The following CHN2 variants were observed in gnomAD, a reference collection of about 807,000 sequenced individuals.
CHN2 encodes beta-chimaerin.
Under a neutral mutation model 56.3 loss-of-function variants are expected in CHN2, and 35 were observed. That is an observed-to-expected ratio of 0.62 (90% CI 0.47 to 0.82). The LOEUF is 0.82. CHN2 is among the 40% of genes least tolerant of loss of function. The pLI is 0.00. For missense variants in CHN2, 491 were observed against 580.5 expected, an observed-to-expected ratio of 0.85 and a Z score of 1.58; for synonymous variants, 210 against 212.8, an observed-to-expected ratio of 0.99 and a Z score of 0.12.
chr7:29,159,227 T>C (rs756943374), intron 2 of CHN2, among the ~76,000 whole-genome samples: 1 of 152,188 alleles, frequency 6.6e-6, no homozygotes, highest in Non-Finnish European at 1.5e-5. Context: ...CCTTGAAAAT[T>C]ATTCAGCTTC....
chr7:29,459,274 C>T (rs1562624003), intron 6 of CHN2, among the ~76,000 whole-genome samples: 1 of 152,190 alleles, frequency 6.6e-6, no homozygotes, highest in Non-Finnish European at 1.5e-5. Flanking sequence ...TGTTTCTTCC[C>T]TCCTGTGTTT....
chr7:29,267,828 A>G (rs866013224), intron 1 of CHN2, among the ~76,000 whole-genome samples: 3 of 152,206 alleles, frequency 2.0e-5, no homozygotes, highest in Non-Finnish European at 1.5e-5. Flanking sequence ...ATGAGCTAGG[A>G]TCATTCAAGC....
At chr7:29,441,428 C>CA (rs1458395050) in intron 6 of CHN2, among the ~76,000 whole-genome samples, 2 of 152,018 alleles carry the variant, frequency 1.3e-5, no homozygotes, top group Non-Finnish European at 2.9e-5. Context: ...AATATGATGC[C>CA]AAAAGCAAGA....
rs1352090468 is a variant in CHN2 at position 29,474,347 on chromosome 7, CTCTATA to C, written c.577-5926_577-5921del. On this transcript the variant is annotated intron_variant, in intron 6 of 12. Coordinates refer to ENST00000222792, the MANE Select transcript of CHN2 (RefSeq NM_004067.4). ...ATATTGTTTTGATGAATATCTGTAT[CTCTATA>C]TCTATCCATCTATCTAGATCTTAGT... Among the ~76,000 whole-genome samples the C allele has an allele frequency of 6.6e-5, 10 of 152,302 alleles. No homozygotes were observed. In the East Asian group the frequency reaches 1.9e-3, roughly 29 times the overall value.
At chr7:29,279,956 G>C (rs1287054462) in intron 1 of CHN2, among the ~76,000 whole-genome samples, 2 of 152,206 alleles carry the variant, frequency 1.3e-5, no homozygotes, top group African/African-American at 4.8e-5. Context: ...AGAGGCTGTT[G>C]TCAAAATCAA....
At chr7:29,155,415 G>C (rs1051040111) in intron 2 of CHN2, among the ~76,000 whole-genome samples, 3 of 152,192 alleles carry the variant, frequency 2.0e-5, no homozygotes, top group African/African-American at 4.8e-5. Flanking sequence ...GTCATGCTAA[G>C]TGTATCACAC....
chr7:29,281,747 G>T (rs1193326045), intron 1 of CHN2, among the ~76,000 whole-genome samples: 1 of 152,180 alleles, frequency 6.6e-6, no homozygotes, highest in East Asian at 1.9e-4. Flanking sequence ...CATGTCAGGG[G>T]AGACACCGTA....
At chr7:29,463,857 C>A (rs1287762790) in intron 6 of CHN2, among the ~76,000 whole-genome samples, 4 of 152,210 alleles carry the variant, frequency 2.6e-5, no homozygotes, top group African/African-American at 7.2e-5. Flanking sequence ...AGCAGTGGTG[C>A]CTCCTGCCCT....
chr7:29,254,263 T>C (rs1788883635), intron 1 of CHN2, among the ~76,000 whole-genome samples: 1 of 152,222 alleles, frequency 6.6e-6, no homozygotes, highest in African/African-American at 2.4e-5. Context: ...CTTATATGTG[T>C]ACCATGGTCA....
chr7:29,195,173 G>A, intron 1 of CHN2, 183 bp downstream of exon 1: 2 of 534,822 alleles, frequency 3.7e-6, no homozygotes, highest in East Asian at 3.5e-5. Context: ...GCACCTCCGC[G>A]CCTGACATCT....
At chr7:29,289,488 G>T (rs923600671) in intron 1 of CHN2, among the ~76,000 whole-genome samples, 1 of 152,130 alleles carries the variant, frequency 6.6e-6, no homozygotes, top group Non-Finnish European at 1.5e-5. Context: ...GTAAGCCGAC[G>T]GGAGAGGGAG....
At chr7:29,264,343 A>C (rs1789930382) in intron 1 of CHN2, among the ~76,000 whole-genome samples, 1 of 152,230 alleles carries the variant, frequency 6.6e-6, no homozygotes, top group African/African-American at 2.4e-5. Flanking sequence ...GCGGGCCATG[A>C]TGACAATGGC....
intron 2 of CHN2, among the ~76,000 whole-genome samples, chr7:29,170,438 T>C (rs759627870): frequency 5.3e-5 from 8 of 152,220 alleles, no homozygotes; most frequent in Admixed American, 1.3e-4. Flanking sequence ...TAATTTTGAA[T>C]ACTGCACATG....
chr7:29,238,889 A>G (rs1380971397), intron 1 of CHN2, among the ~76,000 whole-genome samples: 3 of 152,184 alleles, frequency 2.0e-5, no homozygotes, highest in Non-Finnish European at 2.9e-5. Flanking sequence ...GGAGAAAATG[A>G]GCAAGGCGGG....
At chr7:29,511,671 TAGAA>T (rs1251872736) in intron 12 of CHN2, among the ~76,000 whole-genome samples, 1 of 152,038 alleles carries the variant, frequency 6.6e-6, no homozygotes, top group African/African-American at 2.4e-5. Flanking sequence ...TATAAGGAAA[TAGAA>T]AGGGATGGCT....
intron 1 of CHN2, among the ~76,000 whole-genome samples, chr7:29,206,449 T>C (rs945929242): frequency 6.6e-6 from 1 of 152,016 alleles, no homozygotes; most frequent in Non-Finnish European, 1.5e-5. Flanking sequence ...ACCCAGCTAA[T>C]TTTTGTATTT....
chr7:29,431,665 A>C (rs1782869062), intron 6 of CHN2, among the ~76,000 whole-genome samples: 1 of 152,198 alleles, frequency 6.6e-6, no homozygotes, highest in East Asian at 1.9e-4. Context: ...GGACAGTGAA[A>C]GTGGGAGTGA....
chr7:29,511,339 AC>A (rs1562681000), intron 12 of CHN2, among the ~76,000 whole-genome samples: 3 of 152,240 alleles, frequency 2.0e-5, no homozygotes, highest in South Asian at 2.1e-4. Context: ...TATGGGTATC[AC>A]ATCTGGCTTT....
At chr7:29,270,820 G>A (rs907491896) in intron 1 of CHN2, among the ~76,000 whole-genome samples, 9 of 151,640 alleles carry the variant, frequency 5.9e-5, no homozygotes, top group African/African-American at 1.5e-4. Flanking sequence ...GAGAGAGCAG[G>A]GGAAGGCGGG....
Sources: allele counts gnomAD v4.1 joint callset (sites outside exome capture counted in the v4.1 genomes callset), GRCh38; gene constraint gnomAD v4.1.1; transcripts MANE v1.5; gene names NCBI Gene and HGNC (gene_info 2026-07-23, HGNC 2026-07-21).